The following SLIT3 variants were observed in gnomAD, a reference collection of about 807,000 sequenced individuals.
SLIT3 encodes slit guidance ligand 3.
SLIT3 carries 68 observed loss-of-function variants against 184.0 expected under a neutral mutation model. The observed-to-expected ratio is 0.37, with a 90% confidence interval of 0.30 to 0.45. SLIT3 has a LOEUF of 0.45. Ranked by LOEUF, SLIT3 falls within the 20% of genes least tolerant of loss-of-function variation. The probability of loss-of-function intolerance (pLI) is 1.00; values close to 1 mark genes in which losing one functional copy is unlikely to be tolerated. For missense variants in SLIT3, 1,707 were observed against 2,026.0 expected (o/e 0.84, Z 3.02); for synonymous variants, 831 against 828.6 (o/e 1.00, Z -0.05).
At chr5:168,717,307 C>T (rs1278291783) in intron 23 of SLIT3, among the ~76,000 whole-genome samples, 1 of 143,882 alleles carries the variant, frequency 7.0e-6, no homozygotes, top group Non-Finnish European at 1.5e-5. Flanking sequence ...ACTAAGATAA[C>T]ATAACTAAAG....
chr5:168,722,177 G>A (rs1353746690), intron 23 of SLIT3, 79 bp downstream of exon 23: 7 of 1,283,570 alleles, frequency 5.5e-6, no homozygotes, highest in Middle Eastern at 3.7e-4. Context: ...GGCAGAGAGT[G>A]GGGAAGGGGA....
intron 4 of SLIT3, among the ~76,000 whole-genome samples, chr5:168,945,329 CCAGGTTCA>C (rs1243321778): frequency 6.6e-6 from 1 of 152,000 alleles, no homozygotes; most frequent in Non-Finnish European, 1.5e-5. Flanking sequence ...CCTCCACCTC[CCAGGTTCA>C]AGTGATTCTC....
intron 1 of SLIT3, among the ~76,000 whole-genome samples, chr5:169,280,862 G>A (rs1036284214): frequency 4.6e-5 from 7 of 152,106 alleles, no homozygotes; most frequent in Admixed American, 2.6e-4. Context: ...TTTTTAAAAC[G>A]AGAACAGTCA....
Position 168,760,928 on chromosome 5 carries a change from T to C in SLIT3, c.1619A>G (p.Asn540Ser). 6.2e-7 allele frequency: 1 copy of C among 1,613,688 alleles called. No homozygotes were observed. Among genetic ancestry groups the C allele is most frequent in the Non-Finnish European group, 8.5e-7 (1 of 1,179,626 alleles). Reference sequence around the variant, plus strand: ...CTCCAGAACAGATACCTCATTGTCATTCAGTCGCCTGTGTAGGAAGCAAGA... The same window carrying C: ...CTCCAGAACAGATACCTCATTGTCACTCAGTCGCCTGTGTAGGAAGCAAGA... Reference protein sequence around the residue: ...LPEYVTDLRLNDNEVSVLEAT... With the variant: ...LPEYVTDLRLSDNEVSVLEAT... The change falls in exon 16 of 36, where the codon AAT becomes AGT. Residue 540 changes from asparagine (N) to serine (S), a missense_variant. Around this residue, in one of 3 missense-constraint regions of SLIT3, gnomAD observed 1,307 missense variants for 1,511.6 expected, o/e 0.86. Transcript: ENST00000519560.
At chr5:169,150,281 A>G (rs1762071385) in intron 4 of SLIT3, among the ~76,000 whole-genome samples, 1 of 152,218 alleles carries the variant, frequency 6.6e-6, no homozygotes. Context: ...ACGGCAGAGA[A>G]AAACATCACA....
intron 4 of SLIT3, among the ~76,000 whole-genome samples, chr5:169,144,577 A>G (rs74976247): frequency 0.015 from 2,268 of 152,326 alleles, 35 homozygotes; most frequent in Non-Finnish European, 0.019. Context: ...TAAGTGAATG[A>G]TGGAAGGTGT....
chr5:169,231,243 T>C (rs1333008405), intron 3 of SLIT3, among the ~76,000 whole-genome samples: 5 of 152,136 alleles, frequency 3.3e-5, no homozygotes, highest in African/African-American at 1.2e-4. Context: ...TACAGAAAAA[T>C]GTACAAATCA....
At chr5:169,149,416 T>A (rs2113365113) in intron 4 of SLIT3, among the ~76,000 whole-genome samples, 1 of 151,438 alleles carries the variant, frequency 6.6e-6, no homozygotes. Flanking sequence ...GCATCTGCAC[T>A]GCAGTCTGGC....
intron 5 of SLIT3, among the ~76,000 whole-genome samples, chr5:168,867,894 G>A (rs1759366160): frequency 6.6e-6 from 1 of 152,188 alleles, no homozygotes; most frequent in Non-Finnish European, 1.5e-5. Context: ...GCCTGCAGCA[G>A]GCTCACCCCA....
chr5:168,738,543 T>C (rs886540194), intron 20 of SLIT3, among the ~76,000 whole-genome samples: 9 of 152,240 alleles, frequency 5.9e-5, no homozygotes, highest in Non-Finnish European at 8.8e-5. Context: ...CATGGAACAC[T>C]GTTTTTACCT....
Position 168,712,337 on chromosome 5 carries a change from T to C in SLIT3, c.2501A>G (p.Asp834Gly). Reference sequence around the variant, plus strand: ...GGAGCCTTCAGGAACGCTGGAAATGTCATTGCCATGGAGGGTTCTGAAGCA... The same window carrying C: ...GGAGCCTTCAGGAACGCTGGAAATGCCATTGCCATGGAGGGTTCTGAAGCA... Reference protein sequence around the residue: ...SLRVLTLHGNDISSVPEGSFN... With the variant: ...SLRVLTLHGNGISSVPEGSFN... Residue 834 changes from aspartate to glycine, a missense_variant, in exon 24 of 36, where the codon GAC (aspartate) becomes GGC (glycine). Asp to Gly is a moderately conservative substitution (Grantham distance 94). This residue lies in a region of SLIT3 where 1,307 missense variants were observed against 1,511.6 expected (regional missense o/e 0.86). Coordinates refer to ENST00000519560, the MANE Select transcript of SLIT3 (RefSeq NM_003062.4). 2 of 1,614,178 alleles carry C rather than the reference T, an allele frequency of 1.2e-6. No homozygotes were observed. Among genetic ancestry groups the C allele is most frequent in the Non-Finnish European group, 1.7e-6 (2 of 1,179,990 alleles).
intron 4 of SLIT3, 85 bp from the exon 5 acceptor site, chr5:168,883,421 A>C (rs1581174155): frequency 2.9e-6 from 3 of 1,047,132 alleles, no homozygotes; most frequent in Non-Finnish European, 4.4e-6. Context: ...AATCCCCCCC[A>C]CCCAGGCTGC....
chr5:168,832,236 G>C (rs1757903942), intron 6 of SLIT3, among the ~76,000 whole-genome samples: 2 of 152,360 alleles, frequency 1.3e-5, no homozygotes, highest in South Asian at 4.1e-4. Flanking sequence ...ACAGATGCAA[G>C]AGTGACCTCC....
intron 4 of SLIT3, among the ~76,000 whole-genome samples, chr5:168,936,979 G>A (rs1238832967): frequency 6.6e-6 from 1 of 152,148 alleles, no homozygotes; most frequent in African/African-American, 2.4e-5. Flanking sequence ...TGGGCTTAGT[G>A]CAATCAAAGT....
At chr5:168,786,189 A>G (rs1756148052) in intron 11 of SLIT3, among the ~76,000 whole-genome samples, 1 of 152,152 alleles carries the variant, frequency 6.6e-6, no homozygotes, top group Admixed American at 6.5e-5. Context: ...GGTGAGTAGA[A>G]ATGGGCTCTA....
chr5:169,152,170 C>T (rs1199957127), intron 4 of SLIT3, among the ~76,000 whole-genome samples: 1 of 152,156 alleles, frequency 6.6e-6, no homozygotes, highest in Non-Finnish European at 1.5e-5. Context: ...AGTCAGGGGG[C>T]CTTGGCTCAA....
At chr5:168,936,981 A>G (rs1762180620) in intron 4 of SLIT3, among the ~76,000 whole-genome samples, 1 of 152,180 alleles carries the variant, frequency 6.6e-6, no homozygotes, top group Admixed American at 6.5e-5. Flanking sequence ...GGCTTAGTGC[A>G]ATCAAAGTGA....
intron 1 of SLIT3, among the ~76,000 whole-genome samples, chr5:169,261,807 G>A (rs1157988036): frequency 6.6e-6 from 1 of 152,178 alleles, no homozygotes; most frequent in Non-Finnish European, 1.5e-5. Context: ...AAAAAAGGTG[G>A]TCGGATGTCA....
intron 20 of SLIT3, among the ~76,000 whole-genome samples, chr5:168,735,765 CTCT>C (rs531050301): frequency 9.9e-5 from 15 of 151,812 alleles, no homozygotes; most frequent in East Asian, 1.9e-4. Flanking sequence ...GCTGTTCATT[CTCT>C]TCTTCTTCCT....
Sources: allele counts gnomAD v4.1 joint callset (sites outside exome capture counted in the v4.1 genomes callset), GRCh38; gene constraint gnomAD v4.1.1; regional missense constraint gnomAD v4.1.1; transcripts MANE v1.5; gene names NCBI Gene and HGNC (gene_info 2026-07-23, HGNC 2026-07-21).